Variants in ZFP62 observed in about 807,000 individuals in gnomAD.
ZFP62 encodes zinc finger protein 62 homolog.
ZFP62 carries 44 observed loss-of-function variants against 56.4 expected under a neutral mutation model. That is an observed-to-expected ratio of 0.78 (90% CI 0.61 to 1.00). ZFP62 has a LOEUF of 1.00. Ranked by LOEUF, ZFP62 falls within the 50% of genes least tolerant of loss-of-function variation. The pLI, the probability that ZFP62 is intolerant of heterozygous loss-of-function variation, is 0.00. For missense variants in ZFP62, 1,030 were observed against 1,085.7 expected, an observed-to-expected ratio of 0.95 and a Z score of 0.72; for synonymous variants, 421 against 388.9, an observed-to-expected ratio of 1.08 and a Z score of -0.97.
At chr5:180,845,566 G>C (rs148692948), downstream of ZFP62, 2 of 302,216 alleles carry the variant, frequency 6.6e-6, no homozygotes, top group Non-Finnish European at 4.9e-6. Flanking sequence ...AAATGAGAAT[G>C]GCTCCTCAGT....
the ZFP62 span, chr5:180,834,918 A>G: frequency 1.3e-5 from 2 of 151,272 alleles, no homozygotes; most frequent in Admixed American, 6.6e-5. Context: ...TGGCATTATA[A>G]AGAGAGACAC....
chr5:180,847,568 C>T (rs371080433), downstream of ZFP62: 14 of 984,966 alleles, frequency 1.4e-5, no homozygotes, highest in East Asian at 7.9e-4. Flanking sequence ...AGATCTGGCA[C>T]ACAAATGGCT....
Position 180,849,228 on chromosome 5 carries a change from G to A in ZFP62, c.2267C>T (p.Pro756Leu), listed in dbSNP as rs910906358. 1.9e-6 allele frequency: 3 copies of A among 1,559,134 alleles called. No individual in the cohort carries two copies. Among genetic ancestry groups the A allele is most frequent in the Admixed American group, 1.9e-5 (1 of 51,528 alleles). Residue 756 changes from proline (P) to leucine (L), a missense_variant, in exon 2 of 2, where the codon CCC becomes CTC. Pro to Leu is a moderately conservative substitution (Grantham distance 98). Coordinates refer to ENST00000502412, the MANE Select transcript of ZFP62 (RefSeq NM_001172638.2). Reference protein sequence around the residue: ...QHKRIHTGEKPYVCDRCGKAF... With the variant: ...QHKRIHTGEKLYVCDRCGKAF... ...CTTCCCACACCTATCACACACATAG[G>A]GTTTCTCCCCTGTGTGGATCCTCTT...
In ZFP62 at chr5:180,849,029, A is replaced by G. The variant is rs1773530512; in HGVS notation, c.2466T>C (p.Asn822=). 1.9e-6 allele frequency: 3 copies of G among 1,551,980 alleles called. No homozygotes were observed. Among genetic ancestry groups the G allele is most frequent in the African/African-American group, 1.4e-5 (1 of 73,028 alleles). Residue 822 remains asparagine, a synonymous_variant, in exon 2 of 2, where the codon AAT becomes AAC. Transcript: ENST00000502412. ...TGTGCTGGTCAAGGACTGATCTATA[A>G]TTGAAGGATTTCCCACACTCACAAT... The part of the protein sequence containing the change: ...PYNCECGKSF[N]YRSVLDQHKR...
Position 180,848,703 on chromosome 5 carries a change from G to A in ZFP62, c.*89C>T, listed in dbSNP as rs1773510088. On this transcript the variant is annotated 3_prime_UTR_variant, in exon 2 of 2. Transcript: ENST00000502412. ...TCTAGGATGGTTTCATTTACACTGT[G>A]TAAATTACAAGCCATGACCCCCTAC... 6.9e-7 allele frequency: 1 copy of A among 1,444,686 alleles called. No individual in the cohort carries two copies. Among genetic ancestry groups the A allele is most frequent in the African/African-American group, 1.4e-5 (1 of 69,688 alleles). 89.5% of individuals were successfully genotyped at this position (1,444,686 alleles called of 1,614,324 possible).
downstream of ZFP62, among the ~76,000 whole-genome samples, chr5:180,844,512 T>G (rs1177257663): frequency 6.6e-6 from 1 of 152,144 alleles, no homozygotes; most frequent in Non-Finnish European, 1.5e-5. Flanking sequence ...CTTCCTACAG[T>G]AATCTCCAGC....
chr5:180,851,863 G>T (rs1237531713), intron 1 of ZFP62: 3 of 269,962 alleles, frequency 1.1e-5, no homozygotes, highest in South Asian at 1.3e-4. Flanking sequence ...GAGGGCAGAA[G>T]AAATCTCTGA....
chr5:180,846,231 T>A (rs894822415), downstream of ZFP62, among the ~76,000 whole-genome samples: 4 of 151,990 alleles, frequency 2.6e-5, no homozygotes, highest in Non-Finnish European at 2.9e-5. Flanking sequence ...AGCATGCGAG[T>A]AGATGGGGGC....
chr5:180,845,821 T>C (rs1477065816), downstream of ZFP62: 10 of 985,382 alleles, frequency 1.0e-5, no homozygotes, highest in Non-Finnish European at 1.2e-5. Context: ...GGAGGAAAAT[T>C]CCCCTGCATT....
chr5:180,859,736 G>A (rs1418545891), intron 1 of ZFP62, among the ~76,000 whole-genome samples: 2 of 152,164 alleles, frequency 1.3e-5, no homozygotes, highest in Non-Finnish European at 2.9e-5. Context: ...TAAATATAGG[G>A]ACAAGTCTCA....
chr5:180,853,192 G>A (rs979225031), intron 1 of ZFP62, among the ~76,000 whole-genome samples: 3 of 152,212 alleles, frequency 2.0e-5, no homozygotes, highest in African/African-American at 7.2e-5. Flanking sequence ...TCCAAGCACA[G>A]AAGACTGGTT....
At chr5:180,855,679 C>T (rs1259387014) in intron 1 of ZFP62, among the ~76,000 whole-genome samples, 2 of 152,154 alleles carry the variant, frequency 1.3e-5, no homozygotes, top group Admixed American at 6.5e-5. Context: ...TTCCCTTGGC[C>T]ACATCCAAAA....
intron 1 of ZFP62, among the ~76,000 whole-genome samples, chr5:180,858,629 A>C (rs936643933): frequency 9.2e-5 from 14 of 152,048 alleles, no homozygotes; most frequent in African/African-American, 3.1e-4. Flanking sequence ...AAGATCACTC[A>C]CACTAGTTGC....
chr5:180,850,496 T>G lies in ZFP62; in HGVS notation c.999A>C (p.Gly333=). The part of the protein sequence containing the change: ...TLLNHKSIHF[G]DKPYKCDECE... ...ACTCATCACATTTATAGGGTTTATC[T>G]CCAAAGTGGATGCTTTTATGGTTGA... Residue 333 remains glycine, a synonymous_variant, in exon 2 of 2, where the codon GGA becomes GGC. Transcript: ENST00000502412. 6.4e-7 allele frequency: 1 copy of G among 1,552,552 alleles called. No homozygotes were observed. Among genetic ancestry groups the G allele is most frequent in the Non-Finnish European group, 8.7e-7 (1 of 1,147,456 alleles).
intron 1 of ZFP62, among the ~76,000 whole-genome samples, chr5:180,854,422 G>A (rs1321200440): frequency 6.6e-6 from 1 of 152,220 alleles, no homozygotes; most frequent in Non-Finnish European, 1.5e-5. Context: ...GTTGATAAAT[G>A]TAGAAGGAAT....
the ZFP62 span, among the ~76,000 whole-genome samples, chr5:180,841,463 G>A: frequency 6.6e-6 from 1 of 152,054 alleles, no homozygotes; most frequent in Admixed American, 6.6e-5. Flanking sequence ...TTTACTGAAA[G>A]TTAACAAAAT....
chr5:180,848,355 C>T lies in ZFP62; in HGVS notation c.*437G>A, dbSNP rs889519906. On this transcript the variant is annotated 3_prime_UTR_variant, in exon 2 of 2. Transcript: ENST00000502412. ...TCCCTGAATTTGCCTGTTGGAGGCC[C>T]TTAGTTTTCCCACTGACCAATGTGT... is the stretch of plus-strand genomic sequence containing the variant. 5.1e-6 allele frequency: 5 copies of T among 987,956 alleles called. No homozygotes were observed. In the Admixed American group the frequency reaches 3.0e-4, roughly 60 times the overall value. 61.2% of individuals were successfully genotyped at this position (987,956 alleles called of 1,614,324 possible). A position where few individuals can be genotyped will look rare whatever the true frequency, so the allele number is the denominator to read the frequency against.
At chr5:180,858,914 A>G (rs920031604) in intron 1 of ZFP62, among the ~76,000 whole-genome samples, 1 of 152,236 alleles carries the variant, frequency 6.6e-6, no homozygotes, top group African/African-American at 2.4e-5. Flanking sequence ...AAAGCGTCAG[A>G]CATAGAACGC....
Position 180,849,084 on chromosome 5 carries a change from T to C in ZFP62, c.2411A>G (p.Lys804Arg). 6.4e-7 allele frequency: 1 copy of C among 1,552,926 alleles called. No homozygotes were observed. Among genetic ancestry groups the C allele is most frequent in the Admixed American group, 2.0e-5 (1 of 51,034 alleles). ...YISHSSLINHKSVHQGKQPYN... is the reference protein window; with the variant it reads ...YISHSSLINHRSVHQGKQPYN... ...GGGCTGCTTCCCCTGGTGGACACTT[T>C]TATGATTGATAAGACTTGAGTGTGA... Residue 804 changes from lysine to arginine, a missense_variant, in exon 2 of 2, where the codon AAA becomes AGA. Transcript: ENST00000502412.
Sources: gnomAD v4.1 joint callset for allele counts (sites outside exome capture counted in the v4.1 genomes callset) on GRCh38, gnomAD v4.1.1 for gene constraint, MANE v1.5 for transcripts, NCBI Gene and HGNC (gene_info 2026-07-23, HGNC 2026-07-21) for gene names.